KIAA1549L: variants seen among roughly 807,000 people sequenced by gnomAD.
The protein encoded by KIAA1549L is KIAA1549 like.
KIAA1549L carries 88 observed loss-of-function variants against 160.7 expected under a neutral mutation model. That is an observed-to-expected ratio of 0.55 (90% CI 0.46 to 0.65). The LOEUF is 0.65. Ranked by LOEUF, KIAA1549L falls within the 30% of genes least tolerant of loss-of-function variation. The pLI is 0.00. For synonymous variants in KIAA1549L, 950 were observed against 976.7 expected, an observed-to-expected ratio of 0.97 and a Z score of 0.51; for missense variants, 2,258 against 2,437.5, an observed-to-expected ratio of 0.93 and a Z score of 1.55.
rs1853954842 is a variant in KIAA1549L at position 33,538,983 on chromosome 11, A to G, written c.239-2819A>G. Among the ~76,000 whole-genome samples the G allele has an allele frequency of 2.6e-5, 4 of 152,224 alleles. No homozygotes were observed. In the South Asian group the frequency reaches 8.3e-4, roughly 31 times the overall value. ...CTAGGTAATTTTTGGACTAAGGGCA[A>G]GCCTTTCTGTTTAATCCTAATATAT... On this transcript the variant is annotated intron_variant, in intron 1 of 20. Coordinates refer to ENST00000658780, the MANE Select transcript of KIAA1549L (RefSeq NM_012194.3).
At chr11:33,464,273 TC>T (rs1851998508) in intron 1 of KIAA1549L, among the ~76,000 whole-genome samples, 1 of 152,160 alleles carries the variant, frequency 6.6e-6, no homozygotes, top group Admixed American at 6.5e-5. Context: ...TTCCATCCAT[TC>T]TTTCAGGGAC....
intron 1 of KIAA1549L, among the ~76,000 whole-genome samples, chr11:33,476,984 C>A (rs1565152157): frequency 6.6e-6 from 1 of 152,148 alleles, no homozygotes; most frequent in Non-Finnish European, 1.5e-5. Context: ...GGGAGTTCAA[C>A]AAATAAGTGA....
rs58011084 is a variant in KIAA1549L at position 33,529,334 on chromosome 11, C to CA, written c.239-12454dup. Reference sequence around the variant, plus strand: ...TGGATGACAGAATGAGACCCTGTTTCAAAAAAAAAAAAAATTATTATCACA... The same window carrying CA: ...TGGATGACAGAATGAGACCCTGTTTCAAAAAAAAAAAAAAATTATTATCACA... On this transcript the variant is annotated intron_variant, in intron 1 of 20. Transcript: ENST00000658780. Among the ~76,000 whole-genome samples, 349 of 133,070 alleles carry CA rather than the reference C, an allele frequency of 2.6e-3. 3 individuals carry two copies. The highest frequency in any genetic ancestry group is 4.5e-3 in the African/African-American group (163 of 36,176). The allele number at this position is 133,070 out of a possible 152,430, so 87.3% of individuals were successfully genotyped here. A position where few individuals can be genotyped will look rare whatever the true frequency, so the allele number is the denominator to read the frequency against.
intron 1 of KIAA1549L, among the ~76,000 whole-genome samples, chr11:33,496,806 C>T (rs1290413870): frequency 4.6e-5 from 7 of 152,184 alleles, no homozygotes; most frequent in Non-Finnish European, 2.9e-5. Context: ...AAAACCCAAG[C>T]TCCTATGGTG....
chr11:33,523,524 CT>C (rs1853544791), intron 1 of KIAA1549L, among the ~76,000 whole-genome samples: 2 of 152,128 alleles, frequency 1.3e-5, no homozygotes, highest in African/African-American at 4.8e-5. Context: ...GGATTATTTT[CT>C]TTTCAATGTA....
chr11:33,628,995 T>C lies in KIAA1549L; in HGVS notation c.5409+10333T>C, dbSNP rs558652347. 4.9e-3 allele frequency among the ~76,000 whole-genome samples: 726 copies of C among 148,526 alleles called. 4 individuals are homozygous for C. The highest frequency in any genetic ancestry group is 0.018 in the African/African-American group (691 of 37,978). The stretch of plus-strand genomic sequence containing the variant: ...GGGCAGGCCTGGTGGTGACAAAAGC[T>C]CTCAGCATTTGCTTGTCTGTAAAGT... On this transcript the variant is annotated intron_variant, in intron 16 of 20. Coordinates refer to ENST00000658780, the MANE Select transcript of KIAA1549L (RefSeq NM_012194.3).
chr11:33,430,420 C>G (rs1851214930), intron 1 of KIAA1549L, among the ~76,000 whole-genome samples: 1 of 152,136 alleles, frequency 6.6e-6, no homozygotes, highest in African/African-American at 2.4e-5. Flanking sequence ...TAAAACATTT[C>G]AACATGTAGG....
In KIAA1549L at chr11:33,411,598, C is replaced by T. The variant is rs141263434; in HGVS notation, c.238+34709C>T. On this transcript the variant is annotated intron_variant, in intron 1 of 20. Transcript: ENST00000658780. ...TGTTTGTTTGTTTTGTTCAGCTTTT[C>T]GTTTTTGTTTTGCTGATTTGTGAAA... 6.0e-3 allele frequency among the ~76,000 whole-genome samples: 909 copies of T among 152,270 alleles called. 3 individuals carry two copies. Among genetic ancestry groups the T allele is most frequent in the South Asian group, 9.3e-3 (45 of 4,826 alleles).
intron 6 of KIAA1549L, among the ~76,000 whole-genome samples, chr11:33,557,516 A>C (rs950198308): frequency 6.6e-6 from 1 of 152,202 alleles, no homozygotes; most frequent in African/African-American, 2.4e-5. Flanking sequence ...AAATACTTCC[A>C]TAGAAGAGAG....
rs766506719 is a variant in KIAA1549L at position 33,591,413 on chromosome 11, C to T, written c.4743C>T (p.Thr1581=). The T allele has an allele frequency of 6.2e-7, 1 of 1,602,826 alleles. No individual in the cohort carries two copies. The highest frequency in any genetic ancestry group is 8.5e-7 in the Non-Finnish European group (1 of 1,171,528). ...STIKTAKSTE[T]RKSRSPSENG... The stretch of plus-strand genomic sequence containing the variant: ...TCAAGACCGCCAAATCCACTGAAAC[C>T]AGGAAGAGGTAGGCACGGGGCTGAC... Residue 1581 remains threonine (T), a synonymous_variant, in exon 12 of 21, where the codon ACC becomes ACT. Transcript: ENST00000658780.
chr11:33,665,698 C>T (rs1469364357), intron 20 of KIAA1549L: 3 of 152,264 alleles, frequency 2.0e-5, no homozygotes, highest in African/African-American at 7.2e-5. Flanking sequence ...GAAGGTAGGG[C>T]CTTGTGGGAG....
intron 16 of KIAA1549L, among the ~76,000 whole-genome samples, chr11:33,634,822 G>A (rs1851395778): frequency 6.6e-6 from 1 of 152,088 alleles, no homozygotes; most frequent in South Asian, 2.1e-4. Context: ...CCCTTTATAT[G>A]TCTTTTCTAC....
chr11:33,570,403 A>G (rs769851619), intron 9 of KIAA1549L, among the ~76,000 whole-genome samples: 3 of 152,170 alleles, frequency 2.0e-5, no homozygotes, highest in Non-Finnish European at 4.4e-5. Context: ...TCCCTGATTT[A>G]CAGAGGGTGT....
intron 5 of KIAA1549L, 88 bp from the exon 6 acceptor site, chr11:33,552,020 C>A: frequency 1.4e-6 from 2 of 1,431,276 alleles, no homozygotes; most frequent in Non-Finnish European, 1.9e-6. Flanking sequence ...CATCTAAAAT[C>A]GTGCTGTTTT....
At chr11:33,646,864 C>G (rs534892916) in intron 17 of KIAA1549L, among the ~76,000 whole-genome samples, 2 of 152,006 alleles carry the variant, frequency 1.3e-5, no homozygotes, top group African/African-American at 4.8e-5. Flanking sequence ...ATGGGTATTC[C>G]CATTGCAATA....
chr11:33,534,991 G>A (rs1853861490), intron 1 of KIAA1549L, among the ~76,000 whole-genome samples: 1 of 152,192 alleles, frequency 6.6e-6, no homozygotes, highest in Non-Finnish European at 1.5e-5. Context: ...ATTTCCATGA[G>A]TTGAGAGGCT....
chr11:33,549,147 A>AT (rs559913628), intron 4 of KIAA1549L, among the ~76,000 whole-genome samples: 11,868 of 147,402 alleles, frequency 0.081, 1,513 homozygotes, highest in African/African-American at 0.27. Context: ...GACAATGAGT[A>AT]TTTTTTTTTT....
Position 33,471,382 on chromosome 11 carries a change from A to C in KIAA1549L, c.239-70420A>C, listed in dbSNP as rs142131959. Among the ~76,000 whole-genome samples, 120 of 152,260 alleles carry C rather than the reference A, an allele frequency of 7.9e-4. 2 individuals carry two copies. In the East Asian group the frequency reaches 0.019, roughly 24 times the overall value. On this transcript the variant is annotated intron_variant, in intron 1 of 20. Transcript: ENST00000658780. ...GTTCTCTAAGTCATGCAGTCATGCT[A>C]AGCATTTTGCAACATTGGTAAACTT...
chr11:33,655,905 A>T, intron 17 of KIAA1549L, 107 bp from the exon 18 acceptor site: 1 of 736,504 alleles, frequency 1.4e-6, no homozygotes, highest in South Asian at 1.6e-5. Flanking sequence ...GTAAGGAGGC[A>T]GAGTCTGACC....
Sources: allele counts gnomAD v4.1 joint callset (sites outside exome capture counted in the v4.1 genomes callset), GRCh38; gene constraint gnomAD v4.1.1; transcripts MANE v1.5; gene names NCBI Gene and HGNC (gene_info 2026-07-23, HGNC 2026-07-21).